Variants in SNRNP35 observed in about 807,000 individuals in gnomAD.
The protein encoded by SNRNP35 is U11/U12 small nuclear ribonucleoprotein 35 kDa protein.
Under a neutral mutation model 24.3 loss-of-function variants are expected in SNRNP35, and 16 were observed. That is an observed-to-expected ratio of 0.66 (90% confidence interval 0.45 to 1.00). The LOEUF (loss-of-function observed/expected upper bound fraction) is 1.00, where lower values mean the gene tolerates loss of function less well. SNRNP35 is among the 50% of genes least tolerant of loss of function. The pLI, the probability that SNRNP35 is intolerant of heterozygous loss-of-function variation, is 0.00. For missense variants in SNRNP35, 292 were observed against 327.2 expected (o/e 0.89, Z 0.83); for synonymous variants, 106 against 124.8 (o/e 0.85, Z 1.00).
In SNRNP35 at chr12:123,461,172, A is replaced by G. The variant is rs1389580414; in HGVS notation, c.-4+2956A>G. On this transcript the variant is annotated intron_variant, in intron 1 of 1. Coordinates refer to ENST00000526639, the MANE Select transcript of SNRNP35 (RefSeq NM_022717.4). ...GCTCTGTCGCCCAGGCTGGAGTGCA[A>G]TGGCGGGATCTCAGCTCACTGCAAG... Among the ~76,000 whole-genome samples, 10 of 149,108 alleles carry G rather than the reference A, an allele frequency of 6.7e-5. No homozygotes were observed. The South Asian group carries it at 1.5e-3, about 22-fold the overall frequency.
Position 123,466,288 on chromosome 12 carries a change from A to G in SNRNP35, c.*7A>G. On this transcript the variant is annotated 3_prime_UTR_variant, in exon 2 of 2. Transcript: ENST00000526639. ...GAAGGAAAGAGGCAAGTAGAGGCCC[A>G]ACAGCAGAACCCCAAAGTGAAGTTA... The G allele has an allele frequency of 1.3e-6, 2 of 1,512,708 alleles. No homozygotes were observed. The highest frequency in any genetic ancestry group is 1.8e-6 in the Non-Finnish European group (2 of 1,133,204). The allele number at this position is 1,512,708 out of a possible 1,614,324, so 93.7% of individuals were successfully genotyped here.
At chr12:123,462,391 A>G (rs1343769336) in intron 1 of SNRNP35, among the ~76,000 whole-genome samples, 1 of 152,182 alleles carries the variant, frequency 6.6e-6, no homozygotes, top group Non-Finnish European at 1.5e-5. Flanking sequence ...AAGGAGGAGC[A>G]AGCCTGGGTA....
intron 1 of SNRNP35, among the ~76,000 whole-genome samples, chr12:123,461,094 C>T (rs1236872198): frequency 6.6e-6 from 1 of 150,596 alleles, no homozygotes; most frequent in Non-Finnish European, 1.5e-5. Flanking sequence ...GGATTACAGG[C>T]GTGAGCCACC....
In SNRNP35 at chr12:123,466,141, C is replaced by T. The variant is rs140144369; in HGVS notation, c.601C>T (p.Arg201Ter). Reference protein sequence around the residue: ...ERHWDSRTRDRDHDRGREKRW... With the variant: ...ERHWDSRTRD ...ACACTGGGACTCGAGGACAAGGGAT[C>T]GAGACCATGACAGGGGCCGGGAGAA... Residue 201 changes from arginine (R) to a stop codon, truncating the protein, a stop_gained, in exon 2 of 2, where the codon CGA becomes TGA. Coordinates refer to ENST00000526639, the MANE Select transcript of SNRNP35 (RefSeq NM_022717.4). LOFTEE classifies it high-confidence loss of function. 15 of 1,611,078 alleles carry T rather than the reference C, an allele frequency of 9.3e-6. No homozygotes were observed. Among genetic ancestry groups the T allele is most frequent in the East Asian group, 2.2e-5 (1 of 44,846 alleles).
chr12:123,461,824 C>T (rs893901790), intron 1 of SNRNP35, among the ~76,000 whole-genome samples: 5 of 151,384 alleles, frequency 3.3e-5, no homozygotes, highest in African/African-American at 7.3e-5. Flanking sequence ...TGGTTTCAAG[C>T]GATTCTCCTG....
chr12:123,458,575 C>T (rs1260411685), intron 1 of SNRNP35, among the ~76,000 whole-genome samples: 1 of 150,604 alleles, frequency 6.6e-6, no homozygotes, highest in Non-Finnish European at 1.5e-5. Flanking sequence ...TTTTGCTTTT[C>T]ACAGGAGGGG....
intron 1 of SNRNP35, among the ~76,000 whole-genome samples, chr12:123,461,864 G>T (rs1332819542): frequency 1.3e-5 from 2 of 151,976 alleles, no homozygotes; most frequent in Non-Finnish European, 2.9e-5. Flanking sequence ...TGGGACTGCA[G>T]GCGCCCGCCA....
At chr12:123,460,638 G>A (rs1880561905) in intron 1 of SNRNP35, among the ~76,000 whole-genome samples, 1 of 150,170 alleles carries the variant, frequency 6.7e-6, no homozygotes. Context: ...GGGTATGGTG[G>A]CGCATAGTGA....
At chr12:123,467,732 G>T (rs1881031403), downstream of SNRNP35, among the ~76,000 whole-genome samples, 1 of 152,188 alleles carries the variant, frequency 6.6e-6, no homozygotes, top group Non-Finnish European at 1.5e-5. Flanking sequence ...GGACCAACCT[G>T]CTGTGGCTTA....
Position 123,465,372 on chromosome 12 carries a change from C to CT in SNRNP35, c.-3-165dup, listed in dbSNP as rs1940879767. Reference sequence around the variant, plus strand: ...CACAACTGCCTGGCTTTGGTGCTGTCTCCCCCACTTACTAGCAGGGAGGAC... The same window carrying CT: ...CACAACTGCCTGGCTTTGGTGCTGTCTTCCCCCACTTACTAGCAGGGAGGAC... On this transcript the variant is annotated intron_variant, in intron 1 of 1. Coordinates refer to ENST00000526639, the MANE Select transcript of SNRNP35 (RefSeq NM_022717.4). This position sits in a 1 kb window ranked among gnomAD's most constrained non-coding sequence, Gnocchi z 4.2. Among the ~76,000 whole-genome samples, 1 of 152,202 alleles carries CT rather than the reference C, an allele frequency of 6.6e-6. No individual in the cohort carries two copies. The highest frequency in any genetic ancestry group is 1.5e-5 in the Non-Finnish European group (1 of 68,032).
At chr12:123,464,010 C>T (rs370269900) in intron 1 of SNRNP35, among the ~76,000 whole-genome samples, 3 of 149,668 alleles carry the variant, frequency 2.0e-5, no homozygotes, top group South Asian at 2.1e-4. Flanking sequence ...CTCGGCTCAC[C>T]GCAACCTCCA....
Position 123,472,664 on chromosome 12 carries a change from T to C in SNRNP35, n.1671T>C, listed in dbSNP as rs766856634. 4.4e-6 allele frequency: 7 copies of C among 1,598,856 alleles called. No homozygotes were observed. In the South Asian group the frequency reaches 7.9e-5, roughly 18 times the overall value. ...GTGTGTTGGCCAGGCGCTTCTTATC[T>C]CGGGAGAAGAAGCTAAACCTTTGGA... On this transcript the variant is annotated non_coding_transcript_exon_variant, in exon 2 of 2. Coordinates refer to the SNRNP35 transcript ENST00000527158.
chr12:123,471,545 C>T (rs1881190625), downstream of SNRNP35: 1 of 152,178 alleles, frequency 6.6e-6, no homozygotes, highest in African/African-American at 2.4e-5. Flanking sequence ...CTCCAACTCA[C>T]CAGTTGCAGT....
chr12:123,472,720 C>A (rs1464656323), exon 2 of SNRNP35: 3 of 1,578,216 alleles, frequency 1.9e-6, no homozygotes, highest in Non-Finnish European at 2.6e-6. Context: ...TGAGAGCTGA[C>A]CCTTTGCTGT....
At chr12:123,468,401 A>C (rs1472753882), downstream of SNRNP35, among the ~76,000 whole-genome samples, 3 of 149,788 alleles carry the variant, frequency 2.0e-5, no homozygotes, top group Non-Finnish European at 4.4e-5. Context: ...AAACATGCAC[A>C]CTGAGGCTGG....
chr12:123,465,407 G>A lies in SNRNP35; in HGVS notation c.-3-131G>A. The stretch of plus-strand genomic sequence containing the variant: ...TACTAGCAGGGAGGACTTAGCCTCT[G>A]TGGGTGTTCCCTTCCTTTCCTGTTT... On this transcript the variant is annotated intron_variant, in intron 1 of 1. Transcript: ENST00000526639. This position sits in a 1 kb window ranked among gnomAD's most constrained non-coding sequence, Gnocchi z 4.2. 8.9e-7 allele frequency: 1 copy of A among 1,128,116 alleles called. No individual in the cohort carries two copies. The highest frequency in any genetic ancestry group is 1.8e-5 in the South Asian group (1 of 54,100). The allele number at this position is 1,128,116 out of a possible 1,614,324, so 69.9% of individuals were successfully genotyped here.
At chr12:123,459,573 A>G in intron 1 of SNRNP35, 1 of 324,408 alleles carries the variant, frequency 3.1e-6, no homozygotes, top group Non-Finnish European at 5.8e-6. Context: ...GGGTCATCTG[A>G]CATCAGGAGT....
At chr12:123,459,795 A>G in intron 1 of SNRNP35, 1 of 1,540,618 alleles carries the variant, frequency 6.5e-7, no homozygotes, top group Non-Finnish European at 8.8e-7. Flanking sequence ...TCGAGTAAAA[A>G]AAGAGAATGT....
At chr12:123,468,318 C>A (rs1394066999), downstream of SNRNP35, among the ~76,000 whole-genome samples, 1 of 140,166 alleles carries the variant, frequency 7.1e-6, no homozygotes. Flanking sequence ...AAGACCGGAC[C>A]ACTGCACTCC....
Sources: gnomAD v4.1 joint callset for allele counts (sites outside exome capture counted in the v4.1 genomes callset) on GRCh38, gnomAD v4.1.1 for gene constraint, Gnocchi (gnomAD v3.1) non-coding constraint, MANE v1.5 for transcripts, NCBI Gene and HGNC (gene_info 2026-07-23, HGNC 2026-07-21) for gene names.